Variants in PCDH15 observed in about 807,000 individuals in gnomAD.
PCDH15 encodes the protein protocadherin related 15.
A neutral mutation model predicts 178.5 loss-of-function variants in PCDH15; 129 were observed. That is an observed-to-expected ratio of 0.72 (90% CI 0.63 to 0.84). The LOEUF is 0.84. PCDH15 is among the 40% of genes least tolerant of loss of function. PCDH15 has a pLI of 0.00. For missense variants in PCDH15, 2,230 were observed against 2,099.9 expected, an observed-to-expected ratio of 1.06 and a Z score of -1.21; for synonymous variants, 800 against 732.0, an observed-to-expected ratio of 1.09 and a Z score of -1.50.
At chr10:54,949,218 T>C (rs185467805) in intron 2 of PCDH15, among the ~76,000 whole-genome samples, 17 of 152,128 alleles carry the variant, frequency 1.1e-4, no homozygotes, top group African/African-American at 3.1e-4. Context: ...ACAAAGTTAA[T>C]TGATACACAG....
At chr10:55,538,223 A>G (rs907382810) in intron 2 of PCDH15, among the ~76,000 whole-genome samples, 6 of 152,190 alleles carry the variant, frequency 3.9e-5, no homozygotes, top group African/African-American at 1.4e-4. Context: ...TGCGTTTATC[A>G]GTTTTATTTG....
At chr10:55,377,325 G>A (rs2131996514) in intron 2 of PCDH15, among the ~76,000 whole-genome samples, 3 of 151,960 alleles carry the variant, frequency 2.0e-5, no homozygotes, top group East Asian at 3.9e-4. Flanking sequence ...GACAGTGCCA[G>A]TATTTGGGGT....
chr10:54,541,044 T>G (rs1254592158), intron 2 of PCDH15, among the ~76,000 whole-genome samples: 1 of 152,104 alleles, frequency 6.6e-6, no homozygotes, highest in Non-Finnish European at 1.5e-5. Flanking sequence ...ACAATACAGC[T>G]AACATTAAAC....
chr10:53,880,321 AC>A (rs1291132055), intron 26 of PCDH15, among the ~76,000 whole-genome samples: 1 of 152,204 alleles, frequency 6.6e-6, no homozygotes, highest in Admixed American at 6.5e-5. Context: ...AAGTCATTTG[AC>A]CTAGAGATAA....
At chr10:55,111,804 T>C (rs765481726) in intron 2 of PCDH15, among the ~76,000 whole-genome samples, 1 of 152,126 alleles carries the variant, frequency 6.6e-6, no homozygotes, top group Non-Finnish European at 1.5e-5. Flanking sequence ...GATCATGCCA[T>C]TGCACTACAT....
intron 1 of PCDH15, among the ~76,000 whole-genome samples, chr10:54,775,853 TC>T (rs1949639850): frequency 1.3e-5 from 2 of 152,160 alleles, no homozygotes; most frequent in Admixed American, 1.3e-4. Flanking sequence ...GCCACTGCAC[TC>T]CAGCCTGGGC....
At chr10:55,353,065 T>C (rs1844982853) in intron 2 of PCDH15, among the ~76,000 whole-genome samples, 1 of 152,138 alleles carries the variant, frequency 6.6e-6, no homozygotes, top group African/African-American at 2.4e-5. Context: ...CTAATTGGGT[T>C]ATGAAGTTTT....
chr10:54,928,908 A>G (rs137857066), intron 2 of PCDH15, among the ~76,000 whole-genome samples: 41 of 152,266 alleles, frequency 2.7e-4, no homozygotes, highest in Non-Finnish European at 5.6e-4. Context: ...TGCTATCCAT[A>G]TTGTAAATTC....
At chr10:55,037,202 A>C (rs1176802737) in intron 2 of PCDH15, among the ~76,000 whole-genome samples, 1 of 152,156 alleles carries the variant, frequency 6.6e-6, no homozygotes, top group Non-Finnish European at 1.5e-5. Flanking sequence ...TTTCAGTTTT[A>C]AATATGTGGG....
intron 30 of PCDH15, among the ~76,000 whole-genome samples, chr10:53,829,591 C>T (rs1268887098): frequency 4.6e-5 from 7 of 152,114 alleles, no homozygotes; most frequent in Non-Finnish European, 1.5e-5. Flanking sequence ...TTTTGTTCAT[C>T]AGCTTTAGAT....
chr10:55,385,593 A>G (rs1837634242), intron 2 of PCDH15, among the ~76,000 whole-genome samples: 1 of 150,820 alleles, frequency 6.6e-6, no homozygotes, highest in South Asian at 2.1e-4. Context: ...CAAGAAAGAC[A>G]AAATTTTTGA....
Position 54,132,980 on chromosome 10 carries a change from T to G in PCDH15, c.1812A>C (p.Glu604Asp), listed in dbSNP as rs771456526. ...GGCTTTGATTATTTGGTGGAAGCAC[T>G]TCAATATACACAGTGCAGATGGAGT... is the stretch of plus-strand genomic sequence containing the variant. ...RRNSICTVYI[E>D]VLPPNNQSPP... is the part of the protein sequence containing the mutation. Residue 604 changes from glutamate to aspartate, a missense_variant, in exon 15 of 38, where the codon GAA becomes GAC. Coordinates refer to ENST00000644397, the MANE Select transcript of PCDH15 (RefSeq NM_001384140.1). 21 of 1,614,092 alleles carry G rather than the reference T, an allele frequency of 1.3e-5. No homozygotes were observed. The highest frequency in any genetic ancestry group is 1.7e-5 in the Non-Finnish European group (20 of 1,179,990).
At chr10:54,070,603 T>G (rs1355951761) in intron 17 of PCDH15, among the ~76,000 whole-genome samples, 1 of 152,110 alleles carries the variant, frequency 6.6e-6, no homozygotes, top group Non-Finnish European at 1.5e-5. Flanking sequence ...TTGTTGTTGT[T>G]TTTTTTGAGA....
chr10:53,957,652 T>C (rs553861061), intron 23 of PCDH15, among the ~76,000 whole-genome samples: 2 of 152,214 alleles, frequency 1.3e-5, no homozygotes, highest in African/African-American at 4.8e-5. Flanking sequence ...CCATACAATT[T>C]AAAACTTACG....
chr10:54,125,169 G>A (rs954893961), intron 15 of PCDH15, among the ~76,000 whole-genome samples: 1 of 151,738 alleles, frequency 6.6e-6, no homozygotes, highest in Non-Finnish European at 1.5e-5. Flanking sequence ...TTCCCTTCAG[G>A]TAACTGGAGG....
chr10:54,379,475 T>C (rs962098799), intron 3 of PCDH15, among the ~76,000 whole-genome samples: 4 of 152,074 alleles, frequency 2.6e-5, no homozygotes, highest in African/African-American at 7.2e-5. Context: ...ACAAAACTAG[T>C]GTGCAGAAAT....
Position 54,023,007 on chromosome 10 carries a change from G to T in PCDH15, c.2411C>A (p.Thr804Asn), listed in dbSNP as rs1235734503. ...AATGTCCAAAACCTTGATGGCCAAG[G>T]TTAGAGTTGAATGACGAGGGTGTAC... ...GAVHPRHSTL[T>N]LAIKVLDIDD... The change falls in exon 19 of 38, where the codon ACC (threonine) becomes AAC (asparagine). Residue 804 changes from threonine to asparagine, a missense_variant. Coordinates refer to ENST00000644397, the MANE Select transcript of PCDH15 (RefSeq NM_001384140.1). The T allele has an allele frequency of 6.2e-7, 1 of 1,613,932 alleles. No homozygotes were observed. The highest frequency in any genetic ancestry group is 1.7e-5 in the Admixed American group (1 of 59,988).
chr10:54,968,394 C>T (rs1838847461), intron 2 of PCDH15, among the ~76,000 whole-genome samples: 1 of 151,726 alleles, frequency 6.6e-6, no homozygotes, highest in African/African-American at 2.4e-5. Context: ...TGGTATTCAC[C>T]TTCATTTTTG....
chr10:54,090,776 T>A (rs1008782027), intron 15 of PCDH15, among the ~76,000 whole-genome samples: 1 of 152,118 alleles, frequency 6.6e-6, no homozygotes, highest in Non-Finnish European at 1.5e-5. Context: ...TGGTTAAAAA[T>A]CCTGAATTTA....
Sources: gnomAD v4.1 joint callset for allele counts (sites outside exome capture counted in the v4.1 genomes callset) on GRCh38, gnomAD v4.1.1 for gene constraint, MANE v1.5 for transcripts, NCBI Gene and HGNC (gene_info 2026-07-23, HGNC 2026-07-21) for gene names.